Variants in OTUD4 observed in about 807,000 individuals in gnomAD.
The protein encoded by OTUD4 is OTU domain-containing protein 4.
Under a neutral mutation model 130.4 loss-of-function variants are expected in OTUD4, and 24 were observed. The ratio of observed to expected loss-of-function variants is 0.18; its 90% CI spans 0.13 to 0.26. The LOEUF is 0.26. Among genes scored for constraint, OTUD4 ranks in the 10% least tolerant of loss-of-function variants. OTUD4 has a pLI of 1.00. For missense variants in OTUD4, 1,031 were observed against 1,329.4 expected (o/e 0.78, Z 3.49); for synonymous variants, 420 against 472.5 (o/e 0.89, Z 1.44).
chr4:145,152,006 A>AC (rs1751089710), intron 11 of OTUD4, among the ~76,000 whole-genome samples: 1 of 152,264 alleles, frequency 6.6e-6, no homozygotes, highest in East Asian at 1.9e-4. Flanking sequence ...GCCTTTGTGC[A>AC]CAATGGTACA....
intron 20 of OTUD4, 44 bp from the exon 21 acceptor site, chr4:145,138,694 AAGAG>A (rs748823913): frequency 6.5e-7 from 1 of 1,546,164 alleles, no homozygotes. Context: ...GAGGAGAAAA[AAGAG>A]AGGTTTGGGT....
intron 2 of OTUD4, 128 bp downstream of exon 2, chr4:145,174,533 T>G: frequency 1.7e-6 from 1 of 597,046 alleles, no homozygotes; most frequent in African/African-American, 1.9e-5. Context: ...TAGAGAAGTT[T>G]TTTTAATAAG....
At chr4:145,158,040 C>T (rs1751377334) in intron 7 of OTUD4, among the ~76,000 whole-genome samples, 2 of 152,154 alleles carry the variant, frequency 1.3e-5, no homozygotes, top group African/African-American at 2.4e-5. Flanking sequence ...CAGAGAGAAC[C>T]GTAAAGCAAA....
At position 145,150,617 on chromosome 4, in the gene OTUD4, T is replaced by C. The variant is rs1751023817; in HGVS notation, c.1155A>G (p.Ser385=). The C allele has an allele frequency of 6.2e-7, 1 of 1,613,312 alleles. No individual in the cohort carries two copies. The highest frequency in any genetic ancestry group is 8.5e-7 in the Non-Finnish European group (1 of 1,179,368). ...TAGAGAACGCATGTTGTCTTACTCC[T>C]GAAGGATGCTGCAGTCGAGGAGGTA... ...SALPPRLQHP[S]GVRQHAFSSH... Residue 385 remains serine (S), a synonymous_variant, in exon 13 of 21, where the codon TCA becomes TCG. Transcript: ENST00000447906.
At chr4:145,146,027 A>C in intron 14 of OTUD4, 1 of 301,590 alleles carries the variant, frequency 3.3e-6, no homozygotes. Context: ...AAACACTACA[A>C]GTGAACAAAC....
rs764214352 is a variant in OTUD4, at chr4:145,148,856, C to T, written c.1259+1657G>A. Among the ~76,000 whole-genome samples, 5 of 152,244 alleles carry T rather than the reference C, an allele frequency of 3.3e-5. No individual in the cohort carries two copies. In the East Asian group the frequency reaches 7.7e-4, roughly 23 times the overall value. On this transcript the variant is annotated intron_variant, in intron 13 of 20. Coordinates refer to ENST00000447906, the MANE Select transcript of OTUD4 (RefSeq NM_001366057.1). ...GTAAGTTAATATCTTAGATACTTTT[C>T]GTGCATTGAGTAAGCTACCACCAGG... is the stretch of plus-strand genomic sequence containing the variant.
Position 145,180,223 on chromosome 4 carries a change from G to T in OTUD4, c.-250C>A, listed in dbSNP as rs1338093331. 2 of 162,644 alleles carry T rather than the reference G, an allele frequency of 1.2e-5. No homozygotes were observed. The highest frequency in any genetic ancestry group is 2.0e-4 in the South Asian group (1 of 4,958). 10.1% of individuals were successfully genotyped at this position (162,644 alleles called of 1,614,324 possible). Reference sequence around the variant, plus strand: ...AGCGAACACGCGCCCACGACAAACGGGGGGAGCGGGATTAAGGAAAACCCC... The same window carrying T: ...AGCGAACACGCGCCCACGACAAACGTGGGGAGCGGGATTAAGGAAAACCCC... On this transcript the variant is annotated 5_prime_UTR_variant, in exon 1 of 21. Transcript: ENST00000447906.
intron 14 of OTUD4, chr4:145,146,028 G>C (rs1360744114): frequency 3.3e-6 from 1 of 302,006 alleles, no homozygotes; most frequent in Non-Finnish European, 6.0e-6. Context: ...AACACTACAA[G>C]TGAACAAACC....
chr4:145,141,631 C>G lies in OTUD4; in HGVS notation c.1831G>C (p.Ala611Pro). The G allele has an allele frequency of 6.5e-7, 1 of 1,530,008 alleles. No homozygotes were observed. The highest frequency in any genetic ancestry group is 8.8e-7 in the Non-Finnish European group (1 of 1,140,448). 94.8% of individuals were successfully genotyped at this position (1,530,008 alleles called of 1,614,324 possible). Reference sequence around the variant, plus strand: ...GTCACTGACAAAACGGGAATTGGAGCAGGGACACCTACAAAAGAGAAGAAA... The same window carrying G: ...GTCACTGACAAAACGGGAATTGGAGGAGGGACACCTACAAAAGAGAAGAAA... ...PTTFGPTGVP[A>P]PIPVLSVTQT... The change falls in exon 19 of 21, where the codon GCT becomes CCT. Residue 611 changes from alanine (A) to proline (P), a missense_variant. Physicochemically the swap from Ala to Pro is conservative, Grantham distance 27. Coordinates refer to ENST00000447906, the MANE Select transcript of OTUD4 (RefSeq NM_001366057.1).
chr4:145,162,632 A>G lies in OTUD4; in HGVS notation c.496+8T>C. The G allele has an allele frequency of 1.5e-6, 2 of 1,302,806 alleles. No homozygotes were observed. Among genetic ancestry groups the G allele is most frequent in the Non-Finnish European group, 2.2e-6 (2 of 922,856 alleles). 80.7% of individuals were successfully genotyped at this position (1,302,806 alleles called of 1,614,324 possible). ...TAATTTCCCATATAAACACAAGGTG[A>G]TACTTACACTGACACATAGCAGAGC... On this transcript the variant is annotated splice_region_variant and intron_variant, in intron 6 of 20. Coordinates refer to ENST00000447906, the MANE Select transcript of OTUD4 (RefSeq NM_001366057.1).
intron 13 of OTUD4, among the ~76,000 whole-genome samples, 153 bp downstream of exon 13, chr4:145,150,360 T>G (rs1282084111): frequency 6.6e-6 from 1 of 152,256 alleles, no homozygotes; most frequent in Non-Finnish European, 1.5e-5. Flanking sequence ...ATTGAGATCC[T>G]CACATGAAGT....
At chr4:145,147,469 T>C (rs1164548728) in intron 13 of OTUD4, among the ~76,000 whole-genome samples, 1 of 152,158 alleles carries the variant, frequency 6.6e-6, no homozygotes, top group East Asian at 1.9e-4. Flanking sequence ...CAGGAGTCTC[T>C]GGAAAATTAG....
intron 14 of OTUD4, among the ~76,000 whole-genome samples, chr4:145,145,283 C>T (rs1409222480): frequency 1.3e-5 from 2 of 152,138 alleles, no homozygotes; most frequent in Non-Finnish European, 2.9e-5. Flanking sequence ...GTACTTTGCA[C>T]ATAAACAATG....
At position 145,164,205 on chromosome 4, in the gene OTUD4, C is replaced by T; in HGVS notation, c.363G>A (p.Arg121=). 1 of 1,393,270 alleles carries T rather than the reference C, an allele frequency of 7.2e-7. No homozygotes were observed. Among genetic ancestry groups the T allele is most frequent in the South Asian group, 1.3e-5 (1 of 78,944 alleles). The allele number at this position is 1,393,270 out of a possible 1,614,324, so 86.3% of individuals were successfully genotyped here. A position where few individuals can be genotyped will look rare whatever the true frequency, so the allele number is the denominator to read the frequency against. ...CTTGTGAAGGAGAAACATTTGGTTC[C>T]CGATAAATTATAAAATCTTTCCTGA... ...LMYRKDFIIY[R]EPNVSPSQVT... The change falls in exon 5 of 21, where the codon CGG becomes CGA. Residue 121 remains arginine (R), a synonymous_variant. Coordinates refer to ENST00000447906, the MANE Select transcript of OTUD4 (RefSeq NM_001366057.1).
intron 1 of OTUD4, among the ~76,000 whole-genome samples, chr4:145,177,586 GA>G (rs1752487386): frequency 6.6e-6 from 1 of 152,220 alleles, no homozygotes; most frequent in African/African-American, 2.4e-5. Flanking sequence ...CTTGGGACAA[GA>G]TAGTGATAAA....
chr4:145,165,640 G>C (rs1751820360), intron 3 of OTUD4, among the ~76,000 whole-genome samples: 1 of 152,066 alleles, frequency 6.6e-6, no homozygotes, highest in South Asian at 2.1e-4. Context: ...ACCATGCCCA[G>C]CTAATTTTGT....
chr4:145,144,150 AT>A (rs1437727152), intron 15 of OTUD4, 149 bp from the exon 16 acceptor site: 2 of 1,026,146 alleles, frequency 1.9e-6, no homozygotes, highest in African/African-American at 3.2e-5. Context: ...AGCACTTAAC[AT>A]CCTTTAGCTT....
At position 145,141,480 on chromosome 4, in the gene OTUD4, T is replaced by G. The variant is rs756301844; in HGVS notation, c.1982A>C (p.Tyr661Ser). ...AAACCCAGGATAGAGTGGGTCTTGA[T>G]AAAGGCTCAATGTCTGAGGCAAAGG... is the stretch of plus-strand genomic sequence containing the variant. ...LMPLPQTLSLYQDPLYPGFPC... is the reference protein window; with the variant it reads ...LMPLPQTLSLSQDPLYPGFPC... The change falls in exon 19 of 21, where the codon TAT becomes TCT. Residue 661 changes from tyrosine (Y) to serine (S), a missense_variant. Coordinates refer to ENST00000447906, the MANE Select transcript of OTUD4 (RefSeq NM_001366057.1). 6.2e-7 allele frequency: 1 copy of G among 1,613,550 alleles called. No individual in the cohort carries two copies. The highest frequency in any genetic ancestry group is 8.5e-7 in the Non-Finnish European group (1 of 1,179,566).
At position 145,138,381 on chromosome 4, in the gene OTUD4, T is replaced by G. The variant is rs36226997; in HGVS notation, c.2394A>C (p.Pro798=). 1 of 1,614,096 alleles carries G rather than the reference T, an allele frequency of 6.2e-7. No homozygotes were observed. The highest frequency in any genetic ancestry group is 8.5e-7 in the Non-Finnish European group (1 of 1,179,996). ...PTFSSPLVIP[P]SQVSESHGQL... is the part of the protein sequence containing the mutation. ...GTCCATGACTTTCAGACACCTGAGATGGAGGGATAACCAGAGGTGAAGAAA... is the reference window on the plus strand; with the variant it reads ...GTCCATGACTTTCAGACACCTGAGAGGGAGGGATAACCAGAGGTGAAGAAA... The change falls in exon 21 of 21, where the codon CCA becomes CCC. Residue 798 remains proline, a synonymous_variant. Transcript: ENST00000447906.
Sources: gnomAD v4.1 joint callset for allele counts (sites outside exome capture counted in the v4.1 genomes callset) on GRCh38, gnomAD v4.1.1 for gene constraint, MANE v1.5 for transcripts, NCBI Gene and HGNC (gene_info 2026-07-23, HGNC 2026-07-21) for gene names.